Variants in SF3B2 observed in about 807,000 individuals in gnomAD.
SF3B2 encodes splicing factor 3b subunit 2.
SF3B2 carries 22 observed loss-of-function variants against 116.3 expected under a neutral mutation model. The ratio of observed to expected loss-of-function variants is 0.19; its 90% confidence interval spans 0.14 to 0.27. SF3B2 has a LOEUF of 0.27. Ranked by LOEUF, SF3B2 falls within the 10% of genes least tolerant of loss-of-function variation. SF3B2 has a pLI of 1.00. For missense variants in SF3B2, 767 were observed against 1,151.4 expected, an observed-to-expected ratio of 0.67 and a Z score of 4.83; for synonymous variants, 406 against 421.6, an observed-to-expected ratio of 0.96 and a Z score of 0.45.
intron 5 of SF3B2, 115 bp from the exon 6 acceptor site, chr11:66,056,723 A>T: frequency 1.4e-6 from 1 of 733,704 alleles, no homozygotes; most frequent in Non-Finnish European, 2.4e-6. Context: ...TCAGCACCCA[A>T]GTGGTTCGTG....
intron 3 of SF3B2, chr11:66,053,349 T>C: frequency 3.8e-6 from 2 of 524,852 alleles, no homozygotes; most frequent in Non-Finnish European, 6.9e-6. Flanking sequence ...TCTTTGATGC[T>C]GACACTTGCC....
chr11:66,057,458 G>A, intron 7 of SF3B2, 83 bp downstream of exon 7: 1 of 732,764 alleles, frequency 1.4e-6, no homozygotes, highest in Non-Finnish European at 2.4e-6. Flanking sequence ...GAAAGGTTCT[G>A]TGAGAAGATG....
chr11:66,052,719 G>T lies in SF3B2; in HGVS notation c.180G>T (p.Gln60His), dbSNP rs1259693056. The T allele has an allele frequency of 6.4e-7, 1 of 1,567,720 alleles. No homozygotes were observed. Among genetic ancestry groups the T allele is most frequent in the African/African-American group, 1.4e-5 (1 of 72,890 alleles). Residue 60 changes from glutamine to histidine, a missense_variant and splice_region_variant, in exon 2 of 22, where the codon CAG (glutamine) becomes CAT (histidine). Around this residue, in one of 4 missense-constraint regions of SF3B2, gnomAD observed 455 missense variants for 537.5 expected, o/e 0.85. Transcript: ENST00000322535. ...AGCGGCTGCAGAGCTACACCCGCCAGGTAGGTGTTGGCGGCGGGACGTCAG... is the reference window on the plus strand; with the variant it reads ...AGCGGCTGCAGAGCTACACCCGCCATGTAGGTGTTGGCGGCGGGACGTCAG... ...LVERLQSYTR[Q>H]TGIVLNRPVL...
rs1207812528 is a variant in SF3B2 at position 66,062,989 on chromosome 11, T to TC, written c.1978-20_1978-19insC. On this transcript the variant is annotated intron_variant, in intron 16 of 21. Transcript: ENST00000322535. Reference sequence around the variant, plus strand: ...CTTTTGCAGCTAAGGAGTGAACTGATTGTGCTCACTGTCTTGCAGAGCTGT... The same window carrying TC: ...CTTTTGCAGCTAAGGAGTGAACTGATCTGTGCTCACTGTCTTGCAGAGCTGT... 4.5e-6 allele frequency: 7 copies of TC among 1,559,414 alleles called. No homozygotes were observed. The highest frequency in any genetic ancestry group is 3.5e-6 in the Non-Finnish European group (4 of 1,133,264).
intron 13 of SF3B2, 76 bp downstream of exon 13, chr11:66,060,085 C>G: frequency 7.3e-7 from 1 of 1,376,682 alleles, no homozygotes; most frequent in Non-Finnish European, 1.0e-6. Flanking sequence ...AAATGGGAAT[C>G]TGGTTTGAAA....
At chr11:66,058,770 T>C in intron 9 of SF3B2, 60 bp from the exon 10 acceptor site, 1 of 1,413,570 alleles carries the variant, frequency 7.1e-7, no homozygotes, top group Non-Finnish European at 9.8e-7. Context: ...AGTTTAGGGG[T>C]TGGGGTGCTG....
chr11:66,062,070 T>C (rs1486377428), intron 16 of SF3B2, 72 bp downstream of exon 16: 5 of 1,028,774 alleles, frequency 4.9e-6, no homozygotes, highest in Non-Finnish European at 7.3e-6. Flanking sequence ...TTTGTTTTCC[T>C]TCTCTAACTC....
chr11:66,065,288 A>C (rs573334653), intron 19 of SF3B2: 2 of 152,264 alleles, frequency 1.3e-5, no homozygotes, highest in African/African-American at 4.8e-5. Context: ...AGTACTTTTA[A>C]GATGTTGCTC....
chr11:66,067,730 G>A, intron 19 of SF3B2: 1 of 551,448 alleles, frequency 1.8e-6, no homozygotes, highest in Non-Finnish European at 3.3e-6. Context: ...GATTCAGGGG[G>A]CCCCTTAGCT....
At chr11:66,068,431 G>A in intron 21 of SF3B2, 98 bp downstream of exon 21, 1 of 1,219,242 alleles carries the variant, frequency 8.2e-7, no homozygotes, top group Non-Finnish European at 1.1e-6. Flanking sequence ...AGTGAGGGTG[G>A]CCTCTGCTTG....
Position 66,068,931 on chromosome 11 carries a change from C to A in SF3B2, c.*186C>A, listed in dbSNP as rs1350349757. The A allele has an allele frequency of 5.3e-6, 3 of 569,302 alleles. No homozygotes were observed. Among genetic ancestry groups the A allele is most frequent in the Non-Finnish European group, 9.5e-6 (3 of 317,154 alleles). The allele number at this position is 569,302 out of a possible 1,614,324, so 35.3% of individuals were successfully genotyped here. The stretch of plus-strand genomic sequence containing the variant: ...AACACTCCTGAGCCTCCCTCATCTC[C>A]TTTTAGCCCCTTCTTGCAAAAGGAC... On this transcript the variant is annotated 3_prime_UTR_variant, in exon 22 of 22. Coordinates refer to ENST00000322535, the MANE Select transcript of SF3B2 (RefSeq NM_006842.3).
Position 66,052,401 on chromosome 11 carries a change from C to A in SF3B2, c.17C>A (p.Pro6His). 6.2e-7 allele frequency: 1 copy of A among 1,612,084 alleles called. No individual in the cohort carries two copies. Among genetic ancestry groups the A allele is most frequent in the Non-Finnish European group, 8.5e-7 (1 of 1,179,590 alleles). The change falls in exon 1 of 22, where the codon CCC becomes CAC. Residue 6 changes from proline (P) to histidine (H), a missense_variant. Around this residue, in one of 4 missense-constraint regions of SF3B2, gnomAD observed 455 missense variants for 537.5 expected, o/e 0.85. Coordinates refer to ENST00000322535, the MANE Select transcript of SF3B2 (RefSeq NM_006842.3). MATEHPEPPKAELQLP... is the reference protein window; with the variant it reads MATEHHEPPKAELQLP... ...GCGGCTAAGATGGCGACGGAGCATC[C>A]CGAGCCTCCCAAAGCAGAATTGCAG... is the stretch of plus-strand genomic sequence containing the variant.
chr11:66,064,844 A>T (rs1857154232), intron 19 of SF3B2: 2 of 152,126 alleles, frequency 1.3e-5, no homozygotes, highest in Admixed American at 6.5e-5. Flanking sequence ...CATTTCTTGT[A>T]TTGTGGGTCT....
intron 21 of SF3B2, 85 bp downstream of exon 21, chr11:66,068,418 G>A: frequency 7.4e-7 from 1 of 1,353,878 alleles, no homozygotes. Flanking sequence ...CTCTAGTGGT[G>A]AGAGTGAGGG....
At chr11:66,054,353 T>C (rs1451804246) in intron 3 of SF3B2, among the ~76,000 whole-genome samples, 5 of 152,034 alleles carry the variant, frequency 3.3e-5, no homozygotes, top group Non-Finnish European at 7.4e-5. Flanking sequence ...GGCAGGTGCC[T>C]GTAATCCCAG....
At chr11:66,053,416 T>C in intron 3 of SF3B2, 1 of 402,594 alleles carries the variant, frequency 2.5e-6, no homozygotes, top group South Asian at 2.5e-5. Context: ...CAGTGGCGCA[T>C]GCCTGTAATC....
intron 21 of SF3B2, 44 bp downstream of exon 21, chr11:66,068,377 C>T (rs1857224974): frequency 6.7e-7 from 1 of 1,502,674 alleles, no homozygotes. Flanking sequence ...AGCCAGGGAC[C>T]CTGGCCTGCC....
At chr11:66,056,208 C>T (rs188724595) in intron 5 of SF3B2, among the ~76,000 whole-genome samples, 1 of 152,030 alleles carries the variant, frequency 6.6e-6, no homozygotes, top group Non-Finnish European at 1.5e-5. Context: ...TCGAGACCAG[C>T]CTGGCCAACA....
At position 66,059,752 on chromosome 11, in the gene SF3B2, C is replaced by T. The variant is rs560704373; in HGVS notation, c.1402-30C>T. 3.7e-5 allele frequency: 60 copies of T among 1,611,476 alleles called. No individual in the cohort carries two copies. Among genetic ancestry groups the T allele is most frequent in the South Asian group, 1.3e-4 (12 of 91,008 alleles). ...TTCAGAACTGAGAAGTCGGGGCTCT[C>T]GAGAACACGCATTACTATGTGTTTT... On this transcript the variant is annotated intron_variant, in intron 12 of 21. Coordinates refer to ENST00000322535, the MANE Select transcript of SF3B2 (RefSeq NM_006842.3). The surrounding 1 kb of genome is among the most constrained non-coding windows in gnomAD (Gnocchi z 5.0).
Sources: allele counts gnomAD v4.1 joint callset (sites outside exome capture counted in the v4.1 genomes callset), GRCh38; gene constraint gnomAD v4.1.1; regional missense constraint gnomAD v4.1.1; non-coding constraint Gnocchi (gnomAD v3.1); transcripts MANE v1.5; gene names NCBI Gene and HGNC (gene_info 2026-07-23, HGNC 2026-07-21).